Variants in CDH13 observed in about 807,000 individuals in gnomAD.
The protein encoded by CDH13 is cadherin 13.
CDH13 carries 24 observed loss-of-function variants against 63.8 expected under a neutral mutation model. That is an observed-to-expected ratio of 0.38 (90% confidence interval 0.27 to 0.53). The LOEUF (loss-of-function observed/expected upper bound fraction) is 0.53, where lower values mean the gene tolerates loss of function less well. Ranked by LOEUF, CDH13 falls within the 20% of genes least tolerant of loss-of-function variation. The pLI is 0.85. For missense variants in CDH13, 1,049 were observed against 903.1 expected (o/e 1.16, Z -2.07); for synonymous variants, 503 against 355.3 (o/e 1.42, Z -4.67).
At chr16:83,012,104 C>T (rs1010069254) in intron 2 of CDH13, among the ~76,000 whole-genome samples, 2 of 152,066 alleles carry the variant, frequency 1.3e-5, no homozygotes, top group Non-Finnish European at 2.9e-5. Context: ...GATACACTGG[C>T]TTAAAAAACT....
At chr16:83,259,060 A>C (rs1052575613) in intron 5 of CDH13, among the ~76,000 whole-genome samples, 1 of 152,144 alleles carries the variant, frequency 6.6e-6, no homozygotes, top group Admixed American at 6.5e-5. Flanking sequence ...GGGAAGGGGG[A>C]AAATGTGTCC....
intron 1 of CDH13, among the ~76,000 whole-genome samples, chr16:82,760,468 A>G (rs922621628): frequency 2.0e-5 from 3 of 152,122 alleles, no homozygotes; most frequent in Non-Finnish European, 4.4e-5. Flanking sequence ...TTGTACTTTT[A>G]TTAATATTAT....
intron 6 of CDH13, among the ~76,000 whole-genome samples, chr16:83,391,813 T>C (rs1367803621): frequency 6.6e-6 from 1 of 152,222 alleles, no homozygotes; most frequent in Non-Finnish European, 1.5e-5. Context: ...ATCACCTCTT[T>C]TGACACAGGG....
intron 5 of CDH13, among the ~76,000 whole-genome samples, chr16:83,294,138 A>G (rs1320972936): frequency 1.3e-5 from 2 of 152,100 alleles, no homozygotes; most frequent in African/African-American, 4.8e-5. Flanking sequence ...TGTAGTTTTT[A>G]CTGTGTACGA....
chr16:82,749,461 A>T (rs907885297), intron 1 of CDH13, among the ~76,000 whole-genome samples: 15 of 152,174 alleles, frequency 9.9e-5, no homozygotes, highest in Non-Finnish European at 1.9e-4. Flanking sequence ...ACTTCCCTTC[A>T]CATATCTCCA....
chr16:83,726,921 G>T (rs1011438839), intron 10 of CDH13, among the ~76,000 whole-genome samples: 1 of 152,034 alleles, frequency 6.6e-6, no homozygotes, highest in East Asian at 1.9e-4. Context: ...GGAGTGTTTG[G>T]TTTGTGCCTT....
At chr16:83,577,528 A>C (rs564176632) in intron 7 of CDH13, among the ~76,000 whole-genome samples, 26 of 152,158 alleles carry the variant, frequency 1.7e-4, no homozygotes, top group Non-Finnish European at 2.8e-4. Context: ...TTCTGTTGCA[A>C]TATGAGGTCC....
Position 83,097,273 on chromosome 16 carries a change from T to C in CDH13, c.367-28112T>C, listed in dbSNP as rs182529782. On this transcript the variant is annotated intron_variant, in intron 3 of 13. Transcript: ENST00000567109. ...TAAGAATTCTTGGCAATCCAAATAA[T>C]CTCACATTGTCTCTAATCTGTTATA... 1.1e-4 allele frequency among the ~76,000 whole-genome samples: 17 copies of C among 152,318 alleles called. No homozygotes were observed. The East Asian group carries it at 2.9e-3, about 26-fold the overall frequency.
In CDH13 at chr16:83,317,451, G is replaced by T. The variant is rs118140395; in HGVS notation, c.637-27411G>T. On this transcript the variant is annotated intron_variant, in intron 5 of 13. Coordinates refer to ENST00000567109, the MANE Select transcript of CDH13 (RefSeq NM_001257.5). ...AGCAAATCATAGGGCCACATCTAAA[G>T]TCTTTCTGGTTGGGCTTTCCATCCT... is the stretch of plus-strand genomic sequence containing the variant. Among the ~76,000 whole-genome samples, 269 of 152,278 alleles carry T rather than the reference G, an allele frequency of 1.8e-3. 6 individuals carry two copies. In the East Asian group the frequency reaches 0.043, roughly 25 times the overall value.
intron 1 of CDH13, among the ~76,000 whole-genome samples, chr16:82,669,803 G>T (rs937517722): frequency 3.3e-5 from 5 of 152,314 alleles, no homozygotes; most frequent in African/African-American, 1.2e-4. Flanking sequence ...CAGCCGGGTT[G>T]GTAGGCTTGT....
intron 5 of CDH13, among the ~76,000 whole-genome samples, chr16:83,221,947 T>C (rs777613905): frequency 1.8e-4 from 28 of 152,220 alleles, no homozygotes; most frequent in Non-Finnish European, 2.2e-4. Context: ...TCTTCACTGA[T>C]GAATTAGATG....
At chr16:83,050,003 A>G (rs762555152) in intron 3 of CDH13, among the ~76,000 whole-genome samples, 153 of 152,136 alleles carry the variant, frequency 1.0e-3, no homozygotes, top group Non-Finnish European at 3.5e-4. Flanking sequence ...TGCTACAAAA[A>G]CGTTGTATAC....
intron 6 of CDH13, among the ~76,000 whole-genome samples, chr16:83,364,618 G>A (rs1288627356): frequency 6.6e-6 from 1 of 152,134 alleles, no homozygotes; most frequent in Non-Finnish European, 1.5e-5. Flanking sequence ...AATGGAGCTG[G>A]AACTCCATTA....
At chr16:82,889,859 G>T (rs11150514) in intron 2 of CDH13, among the ~76,000 whole-genome samples, 55,289 of 152,122 alleles carry the variant, frequency 0.36, 11,022 homozygotes, top group East Asian at 0.78. Flanking sequence ...TAGGATTTTC[G>T]AGTGGGAAGA....
At chr16:82,999,242 A>G (rs1912594146) in intron 2 of CDH13, among the ~76,000 whole-genome samples, 1 of 152,016 alleles carries the variant, frequency 6.6e-6, no homozygotes, top group African/African-American at 2.4e-5. Flanking sequence ...CTAGCATTTA[A>G]GTTGTTTTTT....
chr16:83,539,471 C>G (rs1486957513), intron 7 of CDH13, among the ~76,000 whole-genome samples: 1 of 152,044 alleles, frequency 6.6e-6, no homozygotes, highest in African/African-American at 2.4e-5. Context: ...CCTTAGAACA[C>G]AATTCAAGAA....
intron 2 of CDH13, among the ~76,000 whole-genome samples, chr16:82,951,383 A>G (rs1035552206): frequency 2.6e-5 from 4 of 152,204 alleles, no homozygotes; most frequent in Admixed American, 6.5e-5. Flanking sequence ...AGCTGGAGGT[A>G]TAGATACAAG....
chr16:83,202,453 A>T (rs1278005720), intron 4 of CDH13, among the ~76,000 whole-genome samples: 1 of 152,214 alleles, frequency 6.6e-6, no homozygotes, highest in African/African-American at 2.4e-5. Flanking sequence ...GCATGATCCA[A>T]TTGGAAGAGA....
At chr16:83,267,012 T>A (rs529379872) in intron 5 of CDH13, among the ~76,000 whole-genome samples, 1 of 152,348 alleles carries the variant, frequency 6.6e-6, no homozygotes, top group South Asian at 2.1e-4. Flanking sequence ...TCTCATCATC[T>A]ACTTAAACAT....
Sources: allele counts gnomAD v4.1 joint callset (sites outside exome capture counted in the v4.1 genomes callset), GRCh38; gene constraint gnomAD v4.1.1; transcripts MANE v1.5; gene names NCBI Gene and HGNC (gene_info 2026-07-23, HGNC 2026-07-21).